CACNA1C: variants seen among roughly 807,000 people sequenced by gnomAD.
CACNA1C encodes the protein voltage-dependent L-type calcium channel subunit alpha-1C.
CACNA1C carries 30 observed loss-of-function variants against 229.0 expected under a neutral mutation model. That is an observed-to-expected ratio of 0.13 (90% confidence interval 0.10 to 0.18). The LOEUF is 0.18. CACNA1C is among the 10% of genes least tolerant of loss of function. The pLI is 1.00. For synonymous variants in CACNA1C, 1,114 were observed against 1,132.5 expected, an observed-to-expected ratio of 0.98 and a Z score of 0.33; for missense variants, 1,658 against 2,845.0, an observed-to-expected ratio of 0.58 and a Z score of 9.49.
intron 1 of CACNA1C, among the ~76,000 whole-genome samples, chr12:2,058,735 A>G (rs752004672): frequency 3.9e-5 from 6 of 152,238 alleles, no homozygotes; most frequent in African/African-American, 7.2e-5. Context: ...CTCGGGGAAA[A>G]TGGAATGGAA....
chr12:2,542,876 T>G (rs1399210021), intron 9 of CACNA1C, among the ~76,000 whole-genome samples: 1 of 152,172 alleles, frequency 6.6e-6, no homozygotes, highest in Non-Finnish European at 1.5e-5. Context: ...TTAAAGGATG[T>G]AATCAGTTGT....
intron 29 of CACNA1C, chr12:2,613,406 A>G (rs1451434606): frequency 1.3e-5 from 2 of 152,208 alleles, no homozygotes; most frequent in Admixed American, 6.5e-5. Context: ...GAGGTTAACT[A>G]TCATTTTCCC....
At chr12:2,491,129 A>G (rs890315601) in intron 6 of CACNA1C, among the ~76,000 whole-genome samples, 1 of 152,238 alleles carries the variant, frequency 6.6e-6, no homozygotes, top group East Asian at 1.9e-4. Flanking sequence ...ATGGACATAA[A>G]AAGCCTCATA....
chr12:2,684,878 G>C (rs2097363090), intron 43 of CACNA1C, among the ~76,000 whole-genome samples: 1 of 152,200 alleles, frequency 6.6e-6, no homozygotes, highest in Non-Finnish European at 1.5e-5. Flanking sequence ...CCAAGTCTCT[G>C]TGCTGTACCA....
intron 1 of CACNA1C, among the ~76,000 whole-genome samples, chr12:2,112,141 C>T (rs757291736): frequency 5.9e-4 from 90 of 152,294 alleles, no homozygotes; most frequent in Middle Eastern, 3.4e-3. Flanking sequence ...AACCCTCCGT[C>T]GCCCCATTCT....
intron 3 of CACNA1C, among the ~76,000 whole-genome samples, chr12:2,296,020 G>T (rs1402276669): frequency 1.3e-5 from 2 of 152,208 alleles, no homozygotes; most frequent in Non-Finnish European, 2.9e-5. Context: ...AGAATGGAAG[G>T]GATATCACAT....
chr12:2,665,562 A>T lies in CACNA1C; in HGVS notation c.4399-19A>T, dbSNP rs2096048446. ...TAGGAAGGTCTTCTCACAGCACCTCATTGTACTGTTCCCCACAGATCATCA... is the reference window on the plus strand; with the variant it reads ...TAGGAAGGTCTTCTCACAGCACCTCTTTGTACTGTTCCCCACAGATCATCA... On this transcript the variant is annotated intron_variant, in intron 35 of 46. Coordinates refer to ENST00000399655, the MANE Select transcript of CACNA1C (RefSeq NM_000719.7). This position sits in a 1 kb window ranked among gnomAD's most constrained non-coding sequence, Gnocchi z 5.9. 2 of 1,612,530 alleles carry T rather than the reference A, an allele frequency of 1.2e-6. No individual in the cohort carries two copies. Among genetic ancestry groups the T allele is most frequent in the Non-Finnish European group, 1.7e-6 (2 of 1,178,958 alleles).
In CACNA1C at chr12:2,467,415, T is replaced by C. The variant is rs1343785093; in HGVS notation, c.757+9709T>C. Among the ~76,000 whole-genome samples, 1 of 152,150 alleles carries C rather than the reference T, an allele frequency of 6.6e-6. No individual in the cohort carries two copies. The highest frequency in any genetic ancestry group is 1.5e-5 in the Non-Finnish European group (1 of 68,016). ...TCCTGCACGGTCTGCAAGGGGACTC[T>C]GATGGCAATGGTGAGGGAACCCTCA... is the stretch of plus-strand genomic sequence containing the variant. On this transcript the variant is annotated intron_variant, in intron 5 of 46. Transcript: ENST00000399655. This position sits in a 1 kb window ranked among gnomAD's most constrained non-coding sequence, Gnocchi z 4.6.
At chr12:2,522,818 C>T (rs992575213) in intron 9 of CACNA1C, among the ~76,000 whole-genome samples, 1 of 152,180 alleles carries the variant, frequency 6.6e-6, no homozygotes, top group African/African-American at 2.4e-5. Context: ...CTCCTTTCAT[C>T]TTGCCCAAGA....
At chr12:2,127,541 C>T (rs2090579805) in intron 3 of CACNA1C, among the ~76,000 whole-genome samples, 1 of 152,196 alleles carries the variant, frequency 6.6e-6, no homozygotes, top group African/African-American at 2.4e-5. Flanking sequence ...CTACAAGCAA[C>T]AAACCACATA....
At chr12:2,284,650 T>C (rs1471953053) in intron 3 of CACNA1C, among the ~76,000 whole-genome samples, 1 of 152,356 alleles carries the variant, frequency 6.6e-6, no homozygotes, top group Admixed American at 6.5e-5. Flanking sequence ...TAAATGATTA[T>C]CATTGCTTTG....
intron 3 of CACNA1C, among the ~76,000 whole-genome samples, chr12:2,388,731 T>C (rs1433055852): frequency 6.6e-6 from 1 of 152,046 alleles, no homozygotes; most frequent in African/African-American, 2.4e-5. Context: ...GAGTTGACAG[T>C]GCCTATGACA....
At chr12:2,240,502 G>A (rs1259507550) in intron 3 of CACNA1C, among the ~76,000 whole-genome samples, 1 of 152,216 alleles carries the variant, frequency 6.6e-6, no homozygotes, top group East Asian at 1.9e-4. Flanking sequence ...AGGGCTCCAG[G>A]CATGGGGCAG....
intron 1 of CACNA1C, among the ~76,000 whole-genome samples, chr12:2,032,120 G>A (rs929563630): frequency 2.6e-5 from 4 of 152,088 alleles, no homozygotes; most frequent in Admixed American, 6.5e-5. Context: ...GTGGGAGCAC[G>A]GCTTGCGGCA....
intron 3 of CACNA1C, among the ~76,000 whole-genome samples, chr12:2,177,370 A>G (rs368435191): frequency 3.2e-4 from 49 of 152,326 alleles, no homozygotes; most frequent in African/African-American, 1.2e-3. Context: ...TAAATAAAAA[A>G]TACACAGAAT....
chr12:1,989,961 T>TA (rs1022293157), intron 1 of CACNA1C, among the ~76,000 whole-genome samples: 2 of 152,184 alleles, frequency 1.3e-5, no homozygotes, highest in Non-Finnish European at 2.9e-5. Context: ...ATCTCAAGGC[T>TA]AAAAAAACTT....
rs2097305113 is a variant in CACNA1C, at chr12:2,354,697, T to C, written c.478-94279T>C. On this transcript the variant is annotated intron_variant, in intron 3 of 46. Transcript: ENST00000399655. The surrounding 1 kb of genome is among the most constrained non-coding windows in gnomAD (Gnocchi z 4.6). ...ACCACAGACTGGCTTGTAATTTGGC[T>C]TTTCTGAGCATGGCAAGAGAATCCT... Among the ~76,000 whole-genome samples the C allele has an allele frequency of 6.6e-6, 1 of 152,144 alleles. No homozygotes were observed. The highest frequency in any genetic ancestry group is 1.5e-5 in the Non-Finnish European group (1 of 68,032).
intron 3 of CACNA1C, among the ~76,000 whole-genome samples, chr12:2,378,557 G>A: frequency 6.6e-6 from 1 of 152,226 alleles, no homozygotes; most frequent in East Asian, 1.9e-4. Flanking sequence ...GTGCGGGCAA[G>A]AGGGGAGCAG....
At chr12:2,128,277 G>A (rs145143302) in intron 3 of CACNA1C, among the ~76,000 whole-genome samples, 1 of 152,106 alleles carries the variant, frequency 6.6e-6, no homozygotes, top group African/African-American at 2.4e-5. Context: ...ATCCAATGAA[G>A]TATATGTGAA....
Sources: gnomAD v4.1 joint callset for allele counts (sites outside exome capture counted in the v4.1 genomes callset) on GRCh38, gnomAD v4.1.1 for gene constraint, Gnocchi (gnomAD v3.1) non-coding constraint, MANE v1.5 for transcripts, NCBI Gene and HGNC (gene_info 2026-07-23, HGNC 2026-07-21) for gene names.